MEGF11: variants seen among roughly 807,000 people sequenced by gnomAD.
MEGF11 encodes the protein multiple epidermal growth factor-like domains protein 11.
In MEGF11, 126 loss-of-function variants were observed where a neutral mutation model predicts 146.6. The observed-to-expected ratio is 0.86, with a 90% CI of 0.74 to 1.00. MEGF11 has a LOEUF of 1.00. Among genes scored for constraint, MEGF11 ranks in the 50% least tolerant of loss-of-function variants. The pLI, the probability that MEGF11 is intolerant of heterozygous loss-of-function variation, is 0.00. For missense variants in MEGF11, 1,509 were observed against 1,521.2 expected (o/e 0.99, Z 0.13); for synonymous variants, 532 against 583.4 (o/e 0.91, Z 1.27).
In MEGF11 at chr15:66,065,504, C is replaced by G. The variant is rs73483437; in HGVS notation, c.394+28898G>C. Among the ~76,000 whole-genome samples the G allele has an allele frequency of 9.2e-3, 1,402 of 152,230 alleles. 25 individuals carry two copies. The highest frequency in any genetic ancestry group is 0.031 in the African/African-American group (1,305 of 41,536). ...GCACTGGTTGGGGGATGGGCTAACT[C>G]ACTTCCAAGTAGCGTTTCCCTTGTG... On this transcript the variant is annotated intron_variant, in intron 5 of 25. Coordinates refer to ENST00000395614, the MANE Select transcript of MEGF11 (RefSeq NM_001385028.1).
chr15:65,949,240 G>A (rs996603984), intron 10 of MEGF11, among the ~76,000 whole-genome samples: 1 of 152,308 alleles, frequency 6.6e-6, no homozygotes, highest in Non-Finnish European at 1.5e-5. Flanking sequence ...GGAGCGTAAC[G>A]TCTTTAAAGG....
chr15:65,933,392 AC>A lies in MEGF11; in HGVS notation c.1288-2450del, dbSNP rs1438815663. ...CCCAGTGTCCTCATTAGTGTCCCAA[AC>A]CCTGATCTCCCTGCAAGGCCTCAGG... On this transcript the variant is annotated intron_variant, in intron 10 of 25. Transcript: ENST00000395614. Among the ~76,000 whole-genome samples, 3 of 152,012 alleles carry A rather than the reference AC, an allele frequency of 2.0e-5. No individual in the cohort carries two copies. The East Asian group carries it at 5.8e-4, about 29-fold the overall frequency.
chr15:66,191,303 A>C (rs1945741159), intron 1 of MEGF11, among the ~76,000 whole-genome samples: 1 of 152,224 alleles, frequency 6.6e-6, no homozygotes, highest in African/African-American at 2.4e-5. Flanking sequence ...CACATTCTCA[A>C]GGCCAAAGCA....
intron 1 of MEGF11, among the ~76,000 whole-genome samples, chr15:66,238,513 C>T (rs140365738): frequency 5.0e-4 from 76 of 152,276 alleles, no homozygotes; most frequent in African/African-American, 1.6e-3. Context: ...CCAGGAGCAC[C>T]GCCTGGAGGC....
At chr15:66,041,302 G>A (rs1376231255) in intron 5 of MEGF11, among the ~76,000 whole-genome samples, 1 of 152,218 alleles carries the variant, frequency 6.6e-6, no homozygotes, top group Non-Finnish European at 1.5e-5. Flanking sequence ...GAAAATGCAA[G>A]CTCTCTGCCT....
At chr15:66,150,652 G>A (rs1046942390) in intron 1 of MEGF11, among the ~76,000 whole-genome samples, 9 of 152,088 alleles carry the variant, frequency 5.9e-5, no homozygotes, top group African/African-American at 2.2e-4. Flanking sequence ...AAGGAAGAAA[G>A]GAAGGGGTTC....
intron 5 of MEGF11, among the ~76,000 whole-genome samples, chr15:66,012,285 A>T (rs2082732445): frequency 6.6e-6 from 1 of 152,252 alleles, no homozygotes; most frequent in African/African-American, 2.4e-5. Flanking sequence ...TCATTAAAAA[A>T]TGTAAGTATT....
At chr15:66,210,012 G>C (rs1200320414) in intron 1 of MEGF11, among the ~76,000 whole-genome samples, 1 of 152,112 alleles carries the variant, frequency 6.6e-6, no homozygotes, top group Non-Finnish European at 1.5e-5. Context: ...TTTTAGTAGA[G>C]ATGAGGTCTC....
intron 1 of MEGF11, among the ~76,000 whole-genome samples, chr15:66,134,987 A>AT (rs1388193701): frequency 9.8e-5 from 15 of 152,314 alleles, no homozygotes; most frequent in African/African-American, 3.6e-4. Flanking sequence ...TTGGGTTCGA[A>AT]TCCTACCCTT....
intron 1 of MEGF11, among the ~76,000 whole-genome samples, chr15:66,135,133 C>A (rs570126466): frequency 2.6e-4 from 39 of 152,308 alleles, no homozygotes; most frequent in Non-Finnish European, 4.4e-4. Flanking sequence ...GTGGTTGGCC[C>A]AAGGTCTGGC....
intron 15 of MEGF11, among the ~76,000 whole-genome samples, chr15:65,918,921 C>T (rs940455613): frequency 3.9e-5 from 6 of 152,364 alleles, no homozygotes; most frequent in African/African-American, 9.6e-5. Flanking sequence ...GCACAGCTTT[C>T]TTCATGGCAC....
intron 24 of MEGF11, among the ~76,000 whole-genome samples, chr15:65,901,065 G>T (rs2078483955): frequency 6.6e-6 from 1 of 152,180 alleles, no homozygotes; most frequent in African/African-American, 2.4e-5. Context: ...ATGTGCACAG[G>T]TGACTTCATT....
At chr15:66,211,358 C>T (rs537846997) in intron 1 of MEGF11, among the ~76,000 whole-genome samples, 5 of 151,842 alleles carry the variant, frequency 3.3e-5, no homozygotes, top group African/African-American at 9.6e-5. Flanking sequence ...CCCGTCTCTA[C>T]TAAAAATACA....
intron 5 of MEGF11, among the ~76,000 whole-genome samples, chr15:66,034,693 T>C (rs1170946824): frequency 1.3e-5 from 2 of 152,216 alleles, no homozygotes; most frequent in African/African-American, 4.8e-5. Context: ...GTGCTCGGAA[T>C]ACAGGCGTGA....
intron 5 of MEGF11, among the ~76,000 whole-genome samples, chr15:66,008,251 A>C (rs1464788316): frequency 6.6e-6 from 1 of 152,190 alleles, no homozygotes; most frequent in Non-Finnish European, 1.5e-5. Context: ...TGAAGCAGAG[A>C]TAGGAGTCAG....
At chr15:66,199,060 T>G (rs2091084562) in intron 1 of MEGF11, among the ~76,000 whole-genome samples, 2 of 152,282 alleles carry the variant, frequency 1.3e-5, no homozygotes, top group African/African-American at 4.8e-5. Context: ...AACCTCTTCC[T>G]GGCCTGGCTC....
intron 1 of MEGF11, among the ~76,000 whole-genome samples, chr15:66,231,601 T>G (rs1344847689): frequency 6.6e-6 from 1 of 152,168 alleles, no homozygotes; most frequent in Non-Finnish European, 1.5e-5. Flanking sequence ...AGTCATGAAC[T>G]GAGCTGCTGA....
intron 1 of MEGF11, among the ~76,000 whole-genome samples, chr15:66,140,126 C>A (rs2089077229): frequency 6.6e-6 from 1 of 152,160 alleles, no homozygotes; most frequent in South Asian, 2.1e-4. Context: ...ATAACTTATT[C>A]AGCTTAATTT....
intron 5 of MEGF11, among the ~76,000 whole-genome samples, chr15:66,002,104 G>A (rs1370171639): frequency 1.3e-5 from 2 of 152,144 alleles, no homozygotes; most frequent in Non-Finnish European, 1.5e-5. Context: ...TCGACTCAGT[G>A]TAAAAGTGGA....
Sources: gnomAD v4.1 joint callset for allele counts (sites outside exome capture counted in the v4.1 genomes callset) on GRCh38, gnomAD v4.1.1 for gene constraint, MANE v1.5 for transcripts, NCBI Gene and HGNC (gene_info 2026-07-23, HGNC 2026-07-21) for gene names.